SNX6: variants seen among roughly 807,000 people sequenced by gnomAD.
SNX6 encodes sorting nexin 6, also known as sorting nexin-6.
In SNX6, 34 loss-of-function variants were observed where a neutral mutation model predicts 63.0. That is an observed-to-expected ratio of 0.54 (90% CI 0.41 to 0.72). The LOEUF is 0.72. Among genes scored for constraint, SNX6 ranks in the 30% least tolerant of loss-of-function variants. The pLI, the probability that SNX6 is intolerant of heterozygous loss-of-function variation, is 0.00. For missense variants in SNX6, 398 were observed against 471.4 expected, an observed-to-expected ratio of 0.84 and a Z score of 1.44; for synonymous variants, 170 against 164.2, an observed-to-expected ratio of 1.04 and a Z score of -0.27.
intron 2 of SNX6, among the ~76,000 whole-genome samples, chr14:34,621,105 C>T (rs1010768668): frequency 6.6e-6 from 1 of 152,110 alleles, no homozygotes; most frequent in African/African-American, 2.4e-5. Flanking sequence ...TGTGTGACCA[C>T]ACCCTGTTAA....
chr14:34,589,740 T>C (rs1375395924), intron 8 of SNX6, among the ~76,000 whole-genome samples: 1 of 151,910 alleles, frequency 6.6e-6, no homozygotes, highest in Non-Finnish European at 1.5e-5. Flanking sequence ...TGAGAATCAC[T>C]TGAACCCACG....
chr14:34,582,018 G>A (rs895791807), intron 9 of SNX6, among the ~76,000 whole-genome samples: 21 of 151,310 alleles, frequency 1.4e-4, no homozygotes, highest in Admixed American at 4.0e-4. Context: ...TAGTAGAGTC[G>A]GGGTTTTACC....
chr14:34,625,233 A>G (rs1174374248), intron 2 of SNX6, among the ~76,000 whole-genome samples: 4 of 152,154 alleles, frequency 2.6e-5, no homozygotes, highest in African/African-American at 9.7e-5. Flanking sequence ...CTTTCTTAAA[A>G]GGCTCAACAA....
chr14:34,617,074 T>C (rs1413744096), intron 2 of SNX6, among the ~76,000 whole-genome samples: 1 of 152,054 alleles, frequency 6.6e-6, no homozygotes, highest in Non-Finnish European at 1.5e-5. Flanking sequence ...AGAGCAAGAC[T>C]GTCTCGGGTT....
intron 11 of SNX6, among the ~76,000 whole-genome samples, chr14:34,569,657 T>G (rs1881354855): frequency 6.6e-6 from 1 of 152,174 alleles, no homozygotes; most frequent in African/African-American, 2.4e-5. Flanking sequence ...AATGGAATAG[T>G]GTGATTTTTG....
chr14:34,629,841 A>G, intron 2 of SNX6, 66 bp downstream of exon 2: 1 of 1,545,686 alleles, frequency 6.5e-7, no homozygotes, highest in Non-Finnish European at 8.7e-7. Flanking sequence ...CCCGTACCAC[A>G]CCCGGGGACC....
Position 34,629,934 on chromosome 14 carries a change from C to A in SNX6, c.27G>T (p.Pro9=), listed in dbSNP as rs1448066100. 6.4e-7 allele frequency: 1 copy of A among 1,551,326 alleles called. No individual in the cohort carries two copies. The highest frequency in any genetic ancestry group is 8.7e-7 in the Non-Finnish European group (1 of 1,149,864). Residue 9 remains proline (P), a synonymous_variant, in exon 2 of 14, where the codon CCG becomes CCT. Transcript: ENST00000362031. ...CGCGGTCCTCTTCTGAGAGGAAGTCCGGGCCGTCGTCCAGGCCTTCCTGTG... is the reference window on the plus strand; with the variant it reads ...CGCGGTCCTCTTCTGAGAGGAAGTCAGGGCCGTCGTCCAGGCCTTCCTGTG... The part of the protein sequence containing the change: MMEGLDDG[P]DFLSEEDRGL...
chr14:34,628,839 C>T (rs556634924), intron 2 of SNX6, among the ~76,000 whole-genome samples: 1 of 152,138 alleles, frequency 6.6e-6, no homozygotes, highest in African/African-American at 2.4e-5. Flanking sequence ...AACCATGGAA[C>T]CTTGCTGAAT....
chr14:34,629,745 G>A, intron 2 of SNX6, 162 bp downstream of exon 2: 1 of 1,178,684 alleles, frequency 8.5e-7, no homozygotes, highest in Non-Finnish European at 1.2e-6. Flanking sequence ...TAGGGAGGAA[G>A]GGCTGCGGGA....
At chr14:34,581,915 G>A (rs984800723) in intron 9 of SNX6, among the ~76,000 whole-genome samples, 1 of 151,866 alleles carries the variant, frequency 6.6e-6, no homozygotes, top group Non-Finnish European at 1.5e-5. Context: ...TGTAACCTCT[G>A]CCTCCCGAGT....
chr14:34,606,133 C>T (rs1342541787), intron 4 of SNX6, among the ~76,000 whole-genome samples: 2 of 151,300 alleles, frequency 1.3e-5, no homozygotes, highest in East Asian at 2.0e-4. Context: ...AAAATCGCAC[C>T]GCTGCACTCC....
At chr14:34,579,678 G>C (rs1881859536) in intron 10 of SNX6, among the ~76,000 whole-genome samples, 1 of 151,836 alleles carries the variant, frequency 6.6e-6, no homozygotes, top group African/African-American at 2.4e-5. Flanking sequence ...ATAATGTTGA[G>C]TACAAGAAAC....
chr14:34,569,001 G>A lies in SNX6; in HGVS notation c.922-988C>T, dbSNP rs116127931. On this transcript the variant is annotated intron_variant, in intron 11 of 13. Transcript: ENST00000362031. ...TCTCATCGTAGGGAGCAAGCTCTTT[G>A]TGCTTGGCCAGCAGCTTGACGGTGT... 1.1e-3 allele frequency: 1,645 copies of A among 1,466,794 alleles called. 14 individuals carry two copies. The African/African-American group carries it at 0.02, about 18-fold the overall frequency. The allele number at this position is 1,466,794 out of a possible 1,614,324, so 90.9% of individuals were successfully genotyped here.
chr14:34,593,797 C>A (rs1413188117), intron 7 of SNX6, among the ~76,000 whole-genome samples: 2 of 150,470 alleles, frequency 1.3e-5, no homozygotes, highest in Non-Finnish European at 2.9e-5. Flanking sequence ...TCATGCTGGT[C>A]TCGAACTCCT....
chr14:34,563,596 G>C (rs1051141114), intron 13 of SNX6, among the ~76,000 whole-genome samples: 2 of 151,442 alleles, frequency 1.3e-5, no homozygotes, highest in African/African-American at 4.9e-5. Flanking sequence ...TATAGTGTTA[G>C]AAGTCATATG....
At chr14:34,589,992 T>C (rs1040821717) in intron 8 of SNX6, among the ~76,000 whole-genome samples, 7 of 152,178 alleles carry the variant, frequency 4.6e-5, no homozygotes, top group African/African-American at 7.2e-5. Context: ...TGGTGGCGCA[T>C]GCCTGTGGTC....
chr14:34,627,235 A>G (rs1333436703), intron 2 of SNX6, among the ~76,000 whole-genome samples: 1 of 152,044 alleles, frequency 6.6e-6, no homozygotes, highest in African/African-American at 2.4e-5. Context: ...TCACGAGGTC[A>G]GGAGATCGAG....
intron 13 of SNX6, among the ~76,000 whole-genome samples, chr14:34,563,918 T>C (rs1436898665): frequency 1.3e-5 from 2 of 152,202 alleles, no homozygotes; most frequent in East Asian, 3.8e-4. Flanking sequence ...TTTGTATTTT[T>C]AGTAGAGACG....
At chr14:34,612,484 A>C (rs977714879) in intron 2 of SNX6, among the ~76,000 whole-genome samples, 7 of 151,974 alleles carry the variant, frequency 4.6e-5, no homozygotes, top group Non-Finnish European at 2.9e-5. Flanking sequence ...CTGAGGTTGG[A>C]GTGCAGTGGC....
Sources: allele counts gnomAD v4.1 joint callset (sites outside exome capture counted in the v4.1 genomes callset), GRCh38; gene constraint gnomAD v4.1.1; transcripts MANE v1.5; gene names NCBI Gene and HGNC (gene_info 2026-07-23, HGNC 2026-07-21).